PCDH15: variants seen among roughly 807,000 people sequenced by gnomAD.
PCDH15 encodes protocadherin related 15.
PCDH15 carries 129 observed loss-of-function variants against 178.5 expected under a neutral mutation model. The observed-to-expected ratio is 0.72, with a 90% CI of 0.63 to 0.84. The LOEUF is 0.84. Ranked by LOEUF, PCDH15 falls within the 40% of genes least tolerant of loss-of-function variation. PCDH15 has a pLI of 0.00. For synonymous variants in PCDH15, 800 were observed against 732.0 expected (o/e 1.09, Z -1.50); for missense variants, 2,230 against 2,099.9 (o/e 1.06, Z -1.21).
intron 8 of PCDH15, among the ~76,000 whole-genome samples, chr10:54,246,577 T>C (rs1176770029): frequency 6.6e-6 from 1 of 151,708 alleles, no homozygotes; most frequent in African/African-American, 2.4e-5. Context: ...TATATGTTAG[T>C]TTTTTTTCAA....
chr10:54,342,575 G>GAAGTCCCCACACA (rs1942448518), intron 6 of PCDH15, among the ~76,000 whole-genome samples: 1 of 151,756 alleles, frequency 6.6e-6, no homozygotes, highest in Non-Finnish European at 1.5e-5. Context: ...AAGTGGAATT[G>GAAGTCCCCACACA]GAGTCCCCAC....
At chr10:55,078,908 A>G (rs554781449) in intron 2 of PCDH15, among the ~76,000 whole-genome samples, 2 of 152,246 alleles carry the variant, frequency 1.3e-5, no homozygotes, top group Admixed American at 6.5e-5. Flanking sequence ...CTTCACTTAG[A>G]ATAACGACCT....
chr10:54,997,060 G>A lies in PCDH15; in HGVS notation c.-79-99560C>T, dbSNP rs140273697. 2.5e-3 allele frequency among the ~76,000 whole-genome samples: 378 copies of A among 150,062 alleles called. 2 individuals carry two copies. Among genetic ancestry groups the A allele is most frequent in the African/African-American group, 8.8e-3 (357 of 40,688 alleles). ...GGAGGTGGAGGTTGCAGTGAGCTGA[G>A]ATCGCACCACTGCACTCCAGCCTGA... On this transcript the variant is annotated intron_variant, in intron 2 of 5. Transcript: ENST00000458638.
intron 14 of PCDH15, among the ~76,000 whole-genome samples, chr10:54,140,915 C>T (rs1036266612): frequency 5.3e-5 from 8 of 152,094 alleles, no homozygotes; most frequent in African/African-American, 1.7e-4. Flanking sequence ...ATCTCCTGAA[C>T]TCGTGATCCC....
intron 3 of PCDH15, among the ~76,000 whole-genome samples, chr10:54,430,293 G>T (rs1589371740): frequency 6.6e-6 from 1 of 152,090 alleles, no homozygotes; most frequent in Middle Eastern, 3.4e-3. Context: ...GACCTTAGGT[G>T]ATCCGCCAGC....
intron 2 of PCDH15, among the ~76,000 whole-genome samples, chr10:55,544,997 A>G (rs931094955): frequency 2.0e-5 from 3 of 152,194 alleles, no homozygotes; most frequent in Non-Finnish European, 4.4e-5. Context: ...ACTCCTCAAG[A>G]AACACTTTAT....
intron 2 of PCDH15, among the ~76,000 whole-genome samples, chr10:55,457,383 T>C (rs1839576842): frequency 6.6e-6 from 1 of 152,014 alleles, no homozygotes; most frequent in South Asian, 2.1e-4. Flanking sequence ...ATATGATTTT[T>C]TGTGTACCAG....
chr10:55,620,430 C>T (rs1428298611), intron 2 of PCDH15, among the ~76,000 whole-genome samples: 2 of 151,826 alleles, frequency 1.3e-5, no homozygotes, highest in Admixed American at 1.3e-4. Context: ...AGCAAGAATA[C>T]ACATCTACAG....
chr10:55,248,278 A>T (rs775443907), intron 1 of PCDH15, among the ~76,000 whole-genome samples: 1 of 152,046 alleles, frequency 6.6e-6, no homozygotes, highest in Admixed American at 6.6e-5. Flanking sequence ...TCATTTTGAA[A>T]AAAACACTTA....
chr10:54,185,042 T>G (rs2048364172), intron 12 of PCDH15, 92 bp downstream of exon 12: 1 of 1,468,016 alleles, frequency 6.8e-7, no homozygotes, highest in Non-Finnish European at 9.5e-7. Flanking sequence ...ATTGATTTTT[T>G]CAGTTTTAAC....
At chr10:55,059,472 G>A (rs1037830907) in intron 2 of PCDH15, among the ~76,000 whole-genome samples, 3 of 152,056 alleles carry the variant, frequency 2.0e-5, no homozygotes, top group African/African-American at 7.2e-5. Context: ...ATCCATTATA[G>A]TTGCCTACTT....
intron 15 of PCDH15, among the ~76,000 whole-genome samples, chr10:54,116,960 G>A (rs912932414): frequency 1.3e-5 from 2 of 152,144 alleles, no homozygotes; most frequent in African/African-American, 4.8e-5. Flanking sequence ...ATACAGAAAT[G>A]AGGAGTGCTT....
At chr10:53,841,246 C>A (rs1003073026) in intron 28 of PCDH15, among the ~76,000 whole-genome samples, 5 of 151,816 alleles carry the variant, frequency 3.3e-5, no homozygotes, top group Non-Finnish European at 5.9e-5. Context: ...ATTATTAACC[C>A]AAGTATATAA....
At chr10:53,905,396 C>T (rs766915006) in intron 25 of PCDH15, among the ~76,000 whole-genome samples, 4 of 152,148 alleles carry the variant, frequency 2.6e-5, no homozygotes, top group Non-Finnish European at 4.4e-5. Context: ...TGCAGTGGCA[C>T]GATCTCGGCT....
intron 3 of PCDH15, among the ~76,000 whole-genome samples, chr10:54,838,489 G>C (rs1591732726): frequency 6.6e-6 from 1 of 152,114 alleles, no homozygotes; most frequent in East Asian, 1.9e-4. Flanking sequence ...ATGGAGAACT[G>C]TGAGTCCATT....
intron 26 of PCDH15, among the ~76,000 whole-genome samples, chr10:53,871,289 C>T (rs976546287): frequency 6.6e-6 from 1 of 152,002 alleles, no homozygotes; most frequent in African/African-American, 2.4e-5. Context: ...TGCAGTGAGC[C>T]AAGATCGCGC....
At chr10:54,844,784 T>A (rs1000203121) in intron 3 of PCDH15, among the ~76,000 whole-genome samples, 1 of 152,008 alleles carries the variant, frequency 6.6e-6, no homozygotes, top group Non-Finnish European at 1.5e-5. Context: ...GGAGAACTTT[T>A]CAATAAATTT....
intron 1 of PCDH15, among the ~76,000 whole-genome samples, chr10:55,220,164 AT>A (rs1840829752): frequency 6.6e-6 from 1 of 151,948 alleles, no homozygotes; most frequent in African/African-American, 2.4e-5. Flanking sequence ...TGATCACCCT[AT>A]TGGTGACTTA....
intron 2 of PCDH15, among the ~76,000 whole-genome samples, chr10:55,077,886 T>A (rs1195532744): frequency 6.6e-6 from 1 of 152,086 alleles, no homozygotes; most frequent in Non-Finnish European, 1.5e-5. Context: ...TTTTTTCTCT[T>A]CTTTATTTGT....
Sources: gnomAD v4.1 joint callset for allele counts (sites outside exome capture counted in the v4.1 genomes callset) on GRCh38, gnomAD v4.1.1 for gene constraint, MANE v1.5 for transcripts, NCBI Gene and HGNC (gene_info 2026-07-23, HGNC 2026-07-21) for gene names.